The following LIMCH1 variants were observed in gnomAD, a reference collection of about 807,000 sequenced individuals.
LIMCH1 encodes LIM and calponin homology domains 1.
LIMCH1 carries 113 observed loss-of-function variants against 176.5 expected under a neutral mutation model. That is an observed-to-expected ratio of 0.64 (90% confidence interval 0.55 to 0.75). LIMCH1 has a LOEUF of 0.75. Among genes scored for constraint, LIMCH1 ranks in the 30% least tolerant of loss-of-function variants. LIMCH1 has a pLI of 0.00. For missense variants in LIMCH1, 1,674 were observed against 1,814.9 expected (o/e 0.92, Z 1.41); for synonymous variants, 619 against 645.9 (o/e 0.96, Z 0.63).
chr4:41,402,752 C>T (rs1386246956), intron 1 of LIMCH1, among the ~76,000 whole-genome samples: 1 of 143,902 alleles, frequency 6.9e-6, no homozygotes, highest in Non-Finnish European at 1.5e-5. Context: ...CGCATGTTCT[C>T]ACTCATAGAT....
intron 3 of LIMCH1, 94 bp from the exon 4 acceptor site, chr4:41,605,800 C>A: frequency 1.4e-6 from 1 of 696,158 alleles, no homozygotes; most frequent in Non-Finnish European, 2.6e-6. Flanking sequence ...CAGCTCTTTC[C>A]TTCCTGCCTT....
At chr4:41,671,718 T>TG in intron 22 of LIMCH1, 124 bp downstream of exon 22, 1 of 696,168 alleles carries the variant, frequency 1.4e-6, no homozygotes, top group Non-Finnish European at 2.6e-6. Context: ...ATCCCAACAC[T>TG]TTGGGAGGGT....
intron 1 of LIMCH1, among the ~76,000 whole-genome samples, chr4:41,585,923 G>A (rs2086369502): frequency 1.3e-5 from 2 of 152,156 alleles, no homozygotes; most frequent in Non-Finnish European, 1.5e-5. Context: ...TGAGTTCATT[G>A]ATCACACAGT....
intron 24 of LIMCH1, among the ~76,000 whole-genome samples, chr4:41,680,580 G>A (rs1714896792): frequency 6.6e-6 from 1 of 152,156 alleles, no homozygotes; most frequent in Non-Finnish European, 1.5e-5. Context: ...GAACACATTA[G>A]ATAACTTAAA....
intron 1 of LIMCH1, among the ~76,000 whole-genome samples, chr4:41,367,223 TCTCAGGGAATTAC>T (rs2053150799): frequency 6.6e-6 from 1 of 152,148 alleles, no homozygotes; most frequent in South Asian, 2.1e-4. Context: ...GGCTAGTGTA[TCTCAGGGAATTAC>T]CTTTGGCATC....
rs531384738 is a variant in LIMCH1 at position 41,373,705 on chromosome 4, T to C, written c.96+12769T>C. Among the ~76,000 whole-genome samples the C allele has an allele frequency of 5.3e-5, 8 of 152,324 alleles. 2 individuals carry two copies. Among genetic ancestry groups the C allele is most frequent in the African/African-American group, 1.9e-4 (8 of 41,584 alleles). On this transcript the variant is annotated intron_variant, in intron 1 of 26. Coordinates refer to the LIMCH1 transcript ENST00000313860. ...GTGGTAGAGCTGATCTTCAAACTCA[T>C]GCAGTCTGGCTGCTTTACCTGTGCT... is the stretch of plus-strand genomic sequence containing the variant.
In LIMCH1 at chr4:41,430,692, A is replaced by G. The variant is rs1367626334; in HGVS notation, c.97-63844A>G. Among the ~76,000 whole-genome samples the G allele has an allele frequency of 3.9e-5, 6 of 152,238 alleles. No individual in the cohort carries two copies. In the East Asian group the frequency reaches 5.8e-4, roughly 15 times the overall value. On this transcript the variant is annotated intron_variant, in intron 1 of 26. Coordinates refer to the LIMCH1 transcript ENST00000313860. Reference sequence around the variant, plus strand: ...TTCAGAACTTAAATATGATGAAGAAAAATTGGCTTTACTTAATTTTACATA... The same window carrying G: ...TTCAGAACTTAAATATGATGAAGAAGAATTGGCTTTACTTAATTTTACATA...
chr4:41,384,495 A>G (rs777974682), intron 1 of LIMCH1, among the ~76,000 whole-genome samples: 9 of 152,114 alleles, frequency 5.9e-5, no homozygotes, highest in Non-Finnish European at 1.0e-4. Flanking sequence ...GGCGTGAGCC[A>G]CCGCGCCCGG....
rs941485976 is a variant in LIMCH1, at chr4:41,625,674, A to C, written c.726-1034A>C. 2.0e-5 allele frequency among the ~76,000 whole-genome samples: 3 copies of C among 152,262 alleles called. No homozygotes were observed. In the East Asian group the frequency reaches 5.8e-4, roughly 29 times the overall value. ...CATATCTAAATTGAGATCACTTGAA[A>C]TGAGTCTTGCCACACTGGGCATTTA... On this transcript the variant is annotated intron_variant, in intron 7 of 31. Coordinates refer to ENST00000503057, the MANE Select transcript of LIMCH1 (RefSeq NM_001330672.2).
chr4:41,680,179 G>A, intron 24 of LIMCH1, 81 bp downstream of exon 24: 2 of 915,292 alleles, frequency 2.2e-6, no homozygotes, highest in East Asian at 2.6e-5. Flanking sequence ...TCTGTGGCAT[G>A]CGGATGCATG....
At chr4:41,500,053 G>T (rs1240610761) in intron 2 of LIMCH1, among the ~76,000 whole-genome samples, 1 of 152,218 alleles carries the variant, frequency 6.6e-6, no homozygotes, top group East Asian at 1.9e-4. Flanking sequence ...AAGACCACGT[G>T]GGTGATGTTC....
chr4:41,386,200 T>C (rs1482000646), intron 1 of LIMCH1, among the ~76,000 whole-genome samples: 5 of 150,964 alleles, frequency 3.3e-5, no homozygotes, highest in African/African-American at 9.8e-5. Context: ...ACTCAGTGTC[T>C]GACCTGTAAA....
At chr4:41,545,563 C>G (rs530986033) in intron 1 of LIMCH1, among the ~76,000 whole-genome samples, 5 of 152,130 alleles carry the variant, frequency 3.3e-5, no homozygotes, top group Admixed American at 1.3e-4. Flanking sequence ...ATGTTGACCT[C>G]GACAACGACT....
intron 1 of LIMCH1, among the ~76,000 whole-genome samples, chr4:41,433,986 G>T (rs1202774496): frequency 6.6e-6 from 1 of 152,104 alleles, no homozygotes; most frequent in African/African-American, 2.4e-5. Flanking sequence ...TTCTTTTTAG[G>T]GTTCTGGACA....
chr4:41,419,681 C>CTCCTTCCTTCCT (rs765992303), intron 1 of LIMCH1, among the ~76,000 whole-genome samples: 23 of 56,334 alleles, frequency 4.1e-4, no homozygotes, highest in Admixed American at 2.2e-3. Flanking sequence ...TCCTTCCTTC[C>CTCCTTCCTTCCT]TCCTTCCTTC....
At chr4:41,656,937 C>T (rs1020646307) in intron 18 of LIMCH1, among the ~76,000 whole-genome samples, 3 of 152,184 alleles carry the variant, frequency 2.0e-5, no homozygotes, top group Non-Finnish European at 4.4e-5. Context: ...ATGTCTAGTA[C>T]ATCTTCCAAT....
rs77989417 is a variant in LIMCH1 at position 41,423,411 on chromosome 4, A to T, written c.96+62475A>T. Among the ~76,000 whole-genome samples the T allele has an allele frequency of 1.9e-3, 291 of 152,092 alleles. 2 individuals carry two copies. In the South Asian group the frequency reaches 0.039, roughly 20 times the overall value. On this transcript the variant is annotated intron_variant, in intron 1 of 26. Coordinates refer to the LIMCH1 transcript ENST00000313860. The stretch of plus-strand genomic sequence containing the variant: ...AAATGAATTTTGCAAATGAGCAAAA[A>T]GTAATTTGCATTAAATACAAATATG...
chr4:41,419,681 C>CTCCCTCCT (rs2060405323), intron 1 of LIMCH1, among the ~76,000 whole-genome samples: 1 of 56,294 alleles, frequency 1.8e-5, no homozygotes, highest in Non-Finnish European at 3.0e-5. Flanking sequence ...TCCTTCCTTC[C>CTCCCTCCT]TCCTTCCTTC....
intron 1 of LIMCH1, among the ~76,000 whole-genome samples, chr4:41,544,984 G>C (rs1413764543): frequency 2.6e-5 from 4 of 152,110 alleles, no homozygotes; most frequent in African/African-American, 9.7e-5. Context: ...CATCTTTCCT[G>C]TTTCCATTCT....
Sources: gnomAD v4.1 joint callset for allele counts (sites outside exome capture counted in the v4.1 genomes callset) on GRCh38, gnomAD v4.1.1 for gene constraint, MANE v1.5 for transcripts, NCBI Gene and HGNC (gene_info 2026-07-23, HGNC 2026-07-21) for gene names.